The following HFM1 variants were observed in gnomAD, a reference collection of about 807,000 sequenced individuals.
HFM1 encodes the protein probable ATP-dependent DNA helicase HFM1.
Under a neutral mutation model 192.1 loss-of-function variants are expected in HFM1, and 169 were observed. The ratio of observed to expected loss-of-function variants is 0.88; its 90% CI spans 0.78 to 1.00. The LOEUF (loss-of-function observed/expected upper bound fraction) is 1.00. HFM1 is among the 50% of genes least tolerant of loss of function. The pLI is 0.00. For missense variants in HFM1, 1,661 were observed against 1,668.0 expected, an observed-to-expected ratio of 1.00 and a Z score of 0.07; for synonymous variants, 525 against 537.8, an observed-to-expected ratio of 0.98 and a Z score of 0.33.
chr1:91,343,413 CAAT>C lies in HFM1; in HGVS notation c.2335+14_2335+16del, dbSNP rs1557881056. On this transcript the variant is annotated intron_variant, in intron 20 of 38. Coordinates refer to ENST00000370425, the MANE Select transcript of HFM1 (RefSeq NM_001017975.6). ...AGTAAACAATTGCTAAATTTACTGA[CAAT>C]GATAAGAAATTACCAGTTGGTTTGA... 1 of 1,218,288 alleles carries C rather than the reference CAAT, an allele frequency of 8.2e-7. No individual in the cohort carries two copies. The highest frequency in any genetic ancestry group is 2.1e-5 in the Admixed American group (1 of 46,958). 75.5% of individuals were successfully genotyped at this position (1,218,288 alleles called of 1,614,324 possible).
chr1:91,335,895 A>G lies in HFM1; in HGVS notation c.2335+7535T>C, dbSNP rs531556698. The stretch of plus-strand genomic sequence containing the variant: ...ATGGCAGGGATGCTAAGGTACATCT[A>G]TAAGAGTTCCTATCAACTTTGCCAA... On this transcript the variant is annotated intron_variant, in intron 20 of 38. Transcript: ENST00000370425. Among the ~76,000 whole-genome samples, 11 of 152,034 alleles carry G rather than the reference A, an allele frequency of 7.2e-5. No homozygotes were observed. In the East Asian group the frequency reaches 1.2e-3, roughly 16 times the overall value.
intron 32 of HFM1, among the ~76,000 whole-genome samples, chr1:91,275,184 T>A (rs1177553889): frequency 6.6e-6 from 1 of 151,966 alleles, no homozygotes; most frequent in East Asian, 1.9e-4. Context: ...GGGGTTTCAC[T>A]ATGTTGGCCA....
intron 30 of HFM1, among the ~76,000 whole-genome samples, chr1:91,278,337 A>T (rs1488987615): frequency 1.3e-5 from 2 of 152,044 alleles, no homozygotes; most frequent in Admixed American, 1.3e-4. Flanking sequence ...CTTTTTCTTG[A>T]TCTTAGCTCT....
chr1:91,291,234 C>A (rs199535614), intron 30 of HFM1, among the ~76,000 whole-genome samples: 6 of 152,058 alleles, frequency 3.9e-5, no homozygotes, highest in East Asian at 1.9e-4. Flanking sequence ...AGACACAAAA[C>A]ACCCTTCAAA....
At chr1:91,327,509 G>C (rs1287590669) in intron 20 of HFM1, among the ~76,000 whole-genome samples, 2 of 152,142 alleles carry the variant, frequency 1.3e-5, no homozygotes, top group African/African-American at 4.8e-5. Flanking sequence ...GATAAAGAGA[G>C]AGATAGGCCC....
At chr1:91,289,398 GC>G (rs1668441159) in intron 30 of HFM1, among the ~76,000 whole-genome samples, 1 of 151,972 alleles carries the variant, frequency 6.6e-6, no homozygotes, top group Non-Finnish European at 1.5e-5. Flanking sequence ...GGGCAGAAGG[GC>G]TCCTCACATC....
intron 30 of HFM1, among the ~76,000 whole-genome samples, chr1:91,286,941 C>G (rs1014612764): frequency 1.3e-5 from 2 of 152,172 alleles, no homozygotes; most frequent in Admixed American, 1.3e-4. Flanking sequence ...CCGAATACTG[C>G]GCTTTTCCGA....
chr1:91,364,622 A>G (rs1417990500), intron 13 of HFM1, among the ~76,000 whole-genome samples: 2 of 34,896 alleles, frequency 5.7e-5, no homozygotes, highest in African/African-American at 9.3e-5. Context: ...ATATATATAT[A>G]TATATATATA....
intron 30 of HFM1, among the ~76,000 whole-genome samples, chr1:91,305,862 C>G (rs527940826): frequency 3.3e-5 from 5 of 152,224 alleles, no homozygotes; most frequent in Non-Finnish European, 7.4e-5. Flanking sequence ...GCCACTGCAC[C>G]CAGCCCCCTT....
chr1:91,407,502 T>C (rs1664851174), upstream of HFM1, among the ~76,000 whole-genome samples: 1 of 152,236 alleles, frequency 6.6e-6, no homozygotes, highest in South Asian at 2.1e-4. Flanking sequence ...ACAATATTTG[T>C]TCTTCTATTT....
In HFM1 at chr1:91,378,154, A is replaced by G. The variant is rs1462759783; in HGVS notation, c.1266T>C (p.Gly422=). Residue 422 remains glycine, a synonymous_variant, in exon 11 of 39, where the codon GGT becomes GGC. Coordinates refer to ENST00000370425, the MANE Select transcript of HFM1 (RefSeq NM_001017975.6). The part of the protein sequence containing the change: ...EVHIVKDENR[G]PTLEVVVSRM... ...TGCTAACTACAACTTCAAGAGTTGGACCACGATTTTCATCTTTTACAATAT... is the reference window on the plus strand; with the variant it reads ...TGCTAACTACAACTTCAAGAGTTGGGCCACGATTTTCATCTTTTACAATAT... 7.5e-6 allele frequency: 12 copies of G among 1,606,946 alleles called. No homozygotes were observed. Among genetic ancestry groups the G allele is most frequent in the Non-Finnish European group, 1.0e-5 (12 of 1,177,738 alleles).
intron 38 of HFM1, 99 bp downstream of exon 38, chr1:91,262,142 G>A: frequency 1.8e-6 from 1 of 567,560 alleles, no homozygotes; most frequent in East Asian, 3.0e-5. Context: ...AAATGTTCAG[G>A]CTGTGATCTT....
chr1:91,293,094 A>G (rs1216234400), intron 30 of HFM1, among the ~76,000 whole-genome samples: 1 of 152,236 alleles, frequency 6.6e-6, no homozygotes, highest in Non-Finnish European at 1.5e-5. Context: ...TAAAACCATA[A>G]AAACCCTAGA....
intron 36 of HFM1, 89 bp downstream of exon 36, chr1:91,265,928 T>A: frequency 6.5e-7 from 1 of 1,528,866 alleles, no homozygotes; most frequent in Non-Finnish European, 8.7e-7. Flanking sequence ...TTAGCATCTG[T>A]GACATCTAAT....
chr1:91,297,026 G>A (rs575039083), intron 30 of HFM1, among the ~76,000 whole-genome samples: 1 of 152,308 alleles, frequency 6.6e-6, no homozygotes, highest in East Asian at 1.9e-4. Flanking sequence ...AGGGGTCAGG[G>A]AATTCCCTTT....
intron 18 of HFM1, among the ~76,000 whole-genome samples, chr1:91,349,758 A>C (rs1436620301): frequency 6.6e-6 from 1 of 152,226 alleles, no homozygotes; most frequent in Non-Finnish European, 1.5e-5. Context: ...CCAGATTCCT[A>C]ACCCACATAA....
intron 30 of HFM1, among the ~76,000 whole-genome samples, chr1:91,293,607 T>C (rs1219406824): frequency 6.6e-6 from 1 of 150,596 alleles, no homozygotes; most frequent in Non-Finnish European, 1.5e-5. Flanking sequence ...GGTGGGACTG[T>C]AAACTAGTTC....
At chr1:91,321,295 T>C (rs927825319) in intron 23 of HFM1, among the ~76,000 whole-genome samples, 2 of 151,988 alleles carry the variant, frequency 1.3e-5, no homozygotes, top group Non-Finnish European at 2.9e-5. Flanking sequence ...AATACAAAAA[T>C]TAGCCAGGTG....
At chr1:91,268,167 T>A (rs1665941601) in intron 34 of HFM1, among the ~76,000 whole-genome samples, 1 of 152,004 alleles carries the variant, frequency 6.6e-6, no homozygotes, top group South Asian at 2.1e-4. Flanking sequence ...CTGTATAAAG[T>A]TGCACTAAAT....
Sources: gnomAD v4.1 joint callset for allele counts (sites outside exome capture counted in the v4.1 genomes callset) on GRCh38, gnomAD v4.1.1 for gene constraint, MANE v1.5 for transcripts, NCBI Gene and HGNC (gene_info 2026-07-23, HGNC 2026-07-21) for gene names.